Variants in HS6ST3 observed in about 807,000 individuals in gnomAD.
HS6ST3 encodes heparan sulfate 6-O-sulfotransferase 3.
In HS6ST3, 12 loss-of-function variants were observed where a neutral mutation model predicts 36.7. The observed-to-expected ratio is 0.33, with a 90% CI of 0.21 to 0.53. The LOEUF (loss-of-function observed/expected upper bound fraction) is 0.53, where lower values mean the gene tolerates loss of function less well. HS6ST3 is among the 20% of genes least tolerant of loss of function. The pLI, the probability that HS6ST3 is intolerant of heterozygous loss-of-function variation, is 0.95. For synonymous variants in HS6ST3, 240 were observed against 257.5 expected, an observed-to-expected ratio of 0.93 and a Z score of 0.65; for missense variants, 584 against 640.9, an observed-to-expected ratio of 0.91 and a Z score of 0.96.
chr13:96,542,734 A>C (rs1425447877), intron 1 of HS6ST3, among the ~76,000 whole-genome samples: 1 of 152,190 alleles, frequency 6.6e-6, no homozygotes, highest in Non-Finnish European at 1.5e-5. Flanking sequence ...AGATCATTCA[A>C]GTATGTCCTA....
chr13:96,701,319 G>C (rs1875279096), intron 1 of HS6ST3, among the ~76,000 whole-genome samples: 1 of 152,186 alleles, frequency 6.6e-6, no homozygotes, highest in African/African-American at 2.4e-5. Context: ...CTGGTCTGAT[G>C]ATGTAGAGAA....
At chr13:96,598,236 A>G (rs1253197181) in intron 1 of HS6ST3, among the ~76,000 whole-genome samples, 1 of 152,070 alleles carries the variant, frequency 6.6e-6, no homozygotes, top group African/African-American at 2.4e-5. Flanking sequence ...TTTGATAGGA[A>G]TTGCGTTGAA....
intron 1 of HS6ST3, among the ~76,000 whole-genome samples, chr13:96,432,090 T>C (rs1384203381): frequency 2.0e-5 from 3 of 152,172 alleles, no homozygotes; most frequent in African/African-American, 7.2e-5. Flanking sequence ...AGTATGGAAA[T>C]GGAAACTTCC....
intron 1 of HS6ST3, among the ~76,000 whole-genome samples, chr13:96,713,579 T>C (rs1472663799): frequency 3.2e-4 from 48 of 152,178 alleles, no homozygotes; most frequent in Admixed American, 3.1e-3. Flanking sequence ...ATTTACCCAG[T>C]GTTTTAAATA....
intron 1 of HS6ST3, among the ~76,000 whole-genome samples, chr13:96,756,227 AT>A (rs1208497133): frequency 6.6e-6 from 1 of 152,106 alleles, no homozygotes; most frequent in Admixed American, 6.5e-5. Flanking sequence ...TTTGTTAAGG[AT>A]TTAGAAAAGT....
chr13:96,473,187 T>C (rs951504025), intron 1 of HS6ST3, among the ~76,000 whole-genome samples: 2 of 152,166 alleles, frequency 1.3e-5, no homozygotes, highest in East Asian at 3.8e-4. Context: ...TTGACTGATA[T>C]GTAGTTAAAG....
rs1210783544 is a variant in HS6ST3, at chr13:96,832,639, C to G, written c.857C>G (p.Pro286Arg). Residue 286 changes from proline to arginine, a missense_variant, in exon 2 of 2, where the codon CCT becomes CGT. Around this residue, in one of 3 missense-constraint regions of HS6ST3, gnomAD observed 360 missense variants for 411.3 expected, o/e 0.88. Coordinates refer to ENST00000376705, the MANE Select transcript of HS6ST3 (RefSeq NM_153456.4). The part of the protein sequence containing the change: ...PTPDELPTCY[P>R]GDDWSGVSLR... Reference sequence around the variant, plus strand: ...CCAGATGAGCTGCCTACCTGCTACCCTGGGGATGACTGGTCTGGGGTCAGC... The same window carrying G: ...CCAGATGAGCTGCCTACCTGCTACCGTGGGGATGACTGGTCTGGGGTCAGC... 6.2e-7 allele frequency: 1 copy of G among 1,614,006 alleles called. No individual in the cohort carries two copies. Among genetic ancestry groups the G allele is most frequent in the Non-Finnish European group, 8.5e-7 (1 of 1,180,010 alleles).
intron 1 of HS6ST3, among the ~76,000 whole-genome samples, chr13:96,560,924 A>G (rs2056259509): frequency 6.6e-6 from 1 of 152,206 alleles, no homozygotes; most frequent in South Asian, 2.1e-4. Context: ...CATGTCATGG[A>G]TTGGAAGAAC....
At chr13:96,443,709 G>A (rs956461067) in intron 1 of HS6ST3, among the ~76,000 whole-genome samples, 4 of 152,164 alleles carry the variant, frequency 2.6e-5, no homozygotes, top group African/African-American at 9.7e-5. Flanking sequence ...TCTATTGCCA[G>A]CATGTAGAAG....
At position 96,090,776 on chromosome 13, in the gene HS6ST3, C is replaced by G. The variant is rs532887044; in HGVS notation, c.-87C>G. 3.5e-6 allele frequency: 4 copies of G among 1,149,504 alleles called. No individual in the cohort carries two copies. The highest frequency in any genetic ancestry group is 2.2e-5 in the South Asian group (1 of 45,012). The allele number at this position is 1,149,504 out of a possible 1,614,324, so 71.2% of individuals were successfully genotyped here. A position where few individuals can be genotyped will look rare whatever the true frequency, so the allele number is the denominator to read the frequency against. On this transcript the variant is annotated 5_prime_UTR_variant, in exon 1 of 2. Coordinates refer to ENST00000376705, the MANE Select transcript of HS6ST3 (RefSeq NM_153456.4). ...GAACGGCGGGCTCCGAGCCGCGCCC[C>G]GGAGTCCGCGAAACTTCCGAGCGGG... is the stretch of plus-strand genomic sequence containing the variant.
chr13:96,108,731 TAAAGG>T (rs781342920), intron 1 of HS6ST3, among the ~76,000 whole-genome samples: 4 of 152,054 alleles, frequency 2.6e-5, no homozygotes, highest in Non-Finnish European at 5.9e-5. Context: ...AGGAAAGAGG[TAAAGG>T]ACAGAGAAGA....
chr13:96,133,547 A>G (rs550991070), intron 1 of HS6ST3, among the ~76,000 whole-genome samples: 99 of 152,158 alleles, frequency 6.5e-4, no homozygotes, highest in African/African-American at 2.3e-3. Context: ...CACAGCCGCC[A>G]GAGTAGGTGG....
At chr13:96,128,854 CTT>C (rs1248071699) in intron 1 of HS6ST3, among the ~76,000 whole-genome samples, 4 of 140,936 alleles carry the variant, frequency 2.8e-5, no homozygotes, top group African/African-American at 2.7e-5. Context: ...TTCCCCTGTG[CTT>C]TTTTTTTTTG....
chr13:96,777,903 ATG>A (rs1877429666), intron 1 of HS6ST3, among the ~76,000 whole-genome samples: 1 of 152,212 alleles, frequency 6.6e-6, no homozygotes, highest in Non-Finnish European at 1.5e-5. Context: ...TGGAGGCATC[ATG>A]CTACCTGACT....
At chr13:96,140,395 A>C (rs114884269) in intron 1 of HS6ST3, among the ~76,000 whole-genome samples, 1 of 152,094 alleles carries the variant, frequency 6.6e-6, no homozygotes, top group Non-Finnish European at 1.5e-5. Context: ...TCTCTGGTAA[A>C]TTGCTTATTG....
At chr13:96,725,634 A>G (rs1875984504) in intron 1 of HS6ST3, among the ~76,000 whole-genome samples, 1 of 151,932 alleles carries the variant, frequency 6.6e-6, no homozygotes, top group Non-Finnish European at 1.5e-5. Flanking sequence ...TTGTTCTGGC[A>G]TCTTTTGTTG....
chr13:96,771,358 C>A (rs1161118793), intron 1 of HS6ST3, among the ~76,000 whole-genome samples: 1 of 151,818 alleles, frequency 6.6e-6, no homozygotes, highest in Non-Finnish European at 1.5e-5. Flanking sequence ...CAACATGGCA[C>A]ATGTATACAT....
At chr13:96,298,492 T>A (rs1336319289) in intron 1 of HS6ST3, among the ~76,000 whole-genome samples, 1 of 152,198 alleles carries the variant, frequency 6.6e-6, no homozygotes, top group East Asian at 1.9e-4. Flanking sequence ...CAAAGAACAC[T>A]ACTTAGATCA....
intron 1 of HS6ST3, among the ~76,000 whole-genome samples, chr13:96,314,315 G>A (rs1056258819): frequency 1.3e-5 from 2 of 152,040 alleles, no homozygotes; most frequent in Admixed American, 1.3e-4. Flanking sequence ...ACTTAGTTTC[G>A]ACAAAGATAC....
Sources: gnomAD v4.1 joint callset for allele counts (sites outside exome capture counted in the v4.1 genomes callset) on GRCh38, gnomAD v4.1.1 for gene constraint, gnomAD v4.1.1 regional missense constraint, MANE v1.5 for transcripts, NCBI Gene and HGNC (gene_info 2026-07-23, HGNC 2026-07-21) for gene names.